Variants in METTL27 observed in about 807,000 individuals in gnomAD.
METTL27 encodes methyltransferase-like protein 27.
In METTL27, 29 loss-of-function variants were observed where a neutral mutation model predicts 24.5. The observed-to-expected ratio is 1.18, with a 90% CI of 0.88 to 1.61. The LOEUF is 1.61. METTL27 is among the 40% of genes most tolerant of loss of function. The pLI, the probability that METTL27 is intolerant of heterozygous loss-of-function variation, is 0.00. For missense variants in METTL27, 341 were observed against 324.3 expected (o/e 1.05, Z -0.40); for synonymous variants, 138 against 146.8 (o/e 0.94, Z 0.43).
At chr7:73,838,325 G>A (rs1788263348) in intron 5 of METTL27, among the ~76,000 whole-genome samples, 1 of 152,198 alleles carries the variant, frequency 6.6e-6, no homozygotes, top group African/African-American at 2.4e-5. Flanking sequence ...CAGTTTCCCA[G>A]CTGGCACAGA....
rs782444714 is a variant in METTL27 at position 73,840,483 on chromosome 7, G to C, written c.319C>G (p.Gln107Glu). The C allele has an allele frequency of 1.7e-5, 27 of 1,610,362 alleles. No homozygotes were observed. The Middle Eastern group carries it at 4.3e-3, about 258-fold the overall frequency. ...DGSPGMLEQAQAPGLYQRLSL... is the reference protein window; with the variant it reads ...DGSPGMLEQAEAPGLYQRLSL... ...AGGCGCTGATAGAGGCCGGGGGCCTGGGCCTGTTCCAGCATCCCTGGGCTC... is the reference window on the plus strand; with the variant it reads ...AGGCGCTGATAGAGGCCGGGGGCCTCGGCCTGTTCCAGCATCCCTGGGCTC... The change falls in exon 4 of 6, where the codon CAG (glutamine) becomes GAG (glutamate). Residue 107 changes from glutamine to glutamate, a missense_variant. Physicochemically the swap from Gln to Glu is conservative, Grantham distance 29. Transcript: ENST00000297873.
chr7:73,840,404 G>C lies in METTL27; in HGVS notation c.388+10C>G, dbSNP rs1788317611. On this transcript the variant is annotated intron_variant, in intron 4 of 5. Transcript: ENST00000297873. ...TGGGCCTCGGGGTGTGGAGGTGGGA[G>C]AGAAAGTACCTTCCGGGCTGGGCAG... 1.3e-6 allele frequency: 2 copies of C among 1,565,552 alleles called. No individual in the cohort carries two copies. The highest frequency in any genetic ancestry group is 2.4e-5 in the East Asian group (1 of 41,874).
At chr7:73,842,342 G>C in intron 1 of METTL27, 148 bp downstream of exon 1, 3 of 837,858 alleles carry the variant, frequency 3.6e-6, no homozygotes, top group South Asian at 2.3e-5. Context: ...CTGCAGGGCT[G>C]GGGGAAGGGC....
At position 73,842,084 on chromosome 7, in the gene METTL27, C is replaced by G; in HGVS notation, c.57G>C (p.Ala19=). The G allele has an allele frequency of 6.2e-7, 1 of 1,613,914 alleles. No individual in the cohort carries two copies. Among genetic ancestry groups the G allele is most frequent in the Non-Finnish European group, 8.5e-7 (1 of 1,179,962 alleles). Reference sequence around the variant, plus strand: ...TTTGGGCCAGGTCGGGGATGCCATGCGCGGCCCTGACCCGCGCCCGCACCT... The same window carrying G: ...TTTGGGCCAGGTCGGGGATGCCATGGGCGGCCCTGACCCGCGCCCGCACCT... ...LPEVRARVRA[A]HGIPDLAQKL... Residue 19 remains alanine, a synonymous_variant, in exon 2 of 6, where the codon GCG becomes GCC. Transcript: ENST00000297873.
chr7:73,839,733 G>A (rs1788297233), intron 5 of METTL27: 1 of 379,812 alleles, frequency 2.6e-6, no homozygotes. Flanking sequence ...GTCCTACGGG[G>A]ACTGGATTGT....
intron 5 of METTL27, 65 bp downstream of exon 5, chr7:73,839,966 C>A: frequency 6.9e-7 from 1 of 1,449,032 alleles, no homozygotes; most frequent in Admixed American, 2.0e-5. Context: ...CCTGTGTCTG[C>A]ACTATGCACA....
At chr7:73,839,914 G>A (rs1788300934) in intron 5 of METTL27, 117 bp downstream of exon 5, 1 of 932,608 alleles carries the variant, frequency 1.1e-6, no homozygotes, top group Non-Finnish European at 1.6e-6. Context: ...GTGTGACGCT[G>A]GGCAGGACGC....
At position 73,842,147 on chromosome 7, in the gene METTL27, G is replaced by GTGGGGA; in HGVS notation, c.-4-9_-4-4dup. 16 of 1,605,886 alleles carry GTGGGGA rather than the reference G, an allele frequency of 1.0e-5. No homozygotes were observed. The highest frequency in any genetic ancestry group is 1.4e-5 in the Non-Finnish European group (16 of 1,178,300). Reference sequence around the variant, plus strand: ...CACCCTCCTCCTGGGCCATGCTCCTGTGGGGACACCGTTGCCCTGTCTCGA... The same window carrying GTGGGGA: ...CACCCTCCTCCTGGGCCATGCTCCTGTGGGGATGGGGACACCGTTGCCCTGTCTCGA... On this transcript the variant is annotated splice_region_variant and splice_polypyrimidine_tract_variant and intron_variant, in intron 1 of 5. Transcript: ENST00000297873.
In METTL27 at chr7:73,842,465, G is replaced by A. The variant is rs902338309; in HGVS notation, c.-5+25C>T. 1.0e-4 allele frequency: 33 copies of A among 317,420 alleles called. No homozygotes were observed. In the East Asian group the frequency reaches 2.3e-3, roughly 22 times the overall value. 19.7% of individuals were successfully genotyped at this position (317,420 alleles called of 1,614,324 possible). ...GCGACATCCGGAGCGAAACGGTCTCGAAGGAGGCCGGAGTCAGAACTCACC... is the reference window on the plus strand; with the variant it reads ...GCGACATCCGGAGCGAAACGGTCTCAAAGGAGGCCGGAGTCAGAACTCACC... On this transcript the variant is annotated intron_variant, in intron 1 of 5. Coordinates refer to ENST00000297873, the MANE Select transcript of METTL27 (RefSeq NM_152559.3).
intron 5 of METTL27, 36 bp downstream of exon 5, chr7:73,839,995 C>G (rs200213254): frequency 6.4e-7 from 1 of 1,573,430 alleles, no homozygotes; most frequent in East Asian, 2.2e-5. Flanking sequence ...TATATGGTGA[C>G]GGGGGTTGGG....
Position 73,840,059 on chromosome 7 carries a change from C to T in METTL27, c.450G>A (p.Ala150=), listed in dbSNP as rs782336490. Residue 150 remains alanine, a synonymous_variant, in exon 5 of 6, where the codon GCG becomes GCA. Coordinates refer to ENST00000297873, the MANE Select transcript of METTL27 (RefSeq NM_152559.3). ...GCTTGGTGACATGTAGCTCAGGTAT[C>T]GCATTGCAGGGCACCTGGCCGTCAC... ...ALSDGQVPCN[A]IPELHVTKPG... 8 of 1,610,290 alleles carry T rather than the reference C, an allele frequency of 5.0e-6. No homozygotes were observed. The highest frequency in any genetic ancestry group is 6.8e-6 in the Non-Finnish European group (8 of 1,178,946).
intron 5 of METTL27, chr7:73,839,796 G>T (rs1344607401): frequency 6.3e-6 from 3 of 475,106 alleles, no homozygotes; most frequent in Admixed American, 3.8e-5. Context: ...GCAGAGGAGG[G>T]TGGAGTTGCT....
chr7:73,840,387 G>T (rs782241252), intron 4 of METTL27, 27 bp downstream of exon 4: 1 of 1,556,200 alleles, frequency 6.4e-7, no homozygotes, highest in Non-Finnish European at 8.7e-7. Context: ...GGTGGGCCTC[G>T]GGGTGTGGAG....
Position 73,834,728 on chromosome 7 carries a change from G to T in METTL27, c.*15C>A, listed in dbSNP as rs1276826166. On this transcript the variant is annotated 3_prime_UTR_variant, in exon 6 of 6. Transcript: ENST00000297873. ...ACATGGAGTCAGGGGCCAGCTGGGG[G>T]CTGGGGGCTGGATCTCACTTCCTCA... The T allele has an allele frequency of 2.5e-6, 4 of 1,608,638 alleles. No individual in the cohort carries two copies. The highest frequency in any genetic ancestry group is 2.5e-6 in the Non-Finnish European group (3 of 1,177,028).
chr7:73,842,264 C>A (rs1027340047), intron 1 of METTL27, 120 bp from the exon 2 acceptor site: 5 of 1,448,730 alleles, frequency 3.5e-6, no homozygotes, highest in Non-Finnish European at 3.6e-6. Context: ...CGACCCCTAT[C>A]CCGGCCCCTA....
At chr7:73,841,618 C>T (rs931501738) in intron 2 of METTL27, among the ~76,000 whole-genome samples, 2 of 151,990 alleles carry the variant, frequency 1.3e-5, no homozygotes, top group Non-Finnish European at 2.9e-5. Flanking sequence ...GATTACCAGG[C>T]GCCTGCCACC....
At chr7:73,839,618 A>G in intron 5 of METTL27, 1 of 171,172 alleles carries the variant, frequency 5.8e-6, no homozygotes, top group Non-Finnish European at 1.2e-5. Flanking sequence ...CAGTCTATGA[A>G]TGAGTGAGGA....
At chr7:73,842,445 A>T in intron 1 of METTL27, 45 bp downstream of exon 1, 1 of 353,846 alleles carries the variant, frequency 2.8e-6, no homozygotes, top group Non-Finnish European at 5.1e-6. Flanking sequence ...GGTGGGCGAC[A>T]TCCGGAGCGA....
chr7:73,842,474 C>G lies in METTL27; in HGVS notation c.-5+16G>C, dbSNP rs1788393098. On this transcript the variant is annotated intron_variant, in intron 1 of 5. Transcript: ENST00000297873. ...GGAGCGAAACGGTCTCGAAGGAGGC[C>G]GGAGTCAGAACTCACCGCCAATCCA... 1 of 294,702 alleles carries G rather than the reference C, an allele frequency of 3.4e-6. No homozygotes were observed. The highest frequency in any genetic ancestry group is 6.3e-6 in the Non-Finnish European group (1 of 159,266). 18.3% of individuals were successfully genotyped at this position (294,702 alleles called of 1,614,324 possible).
Sources: gnomAD v4.1 joint callset for allele counts (sites outside exome capture counted in the v4.1 genomes callset) on GRCh38, gnomAD v4.1.1 for gene constraint, MANE v1.5 for transcripts, NCBI Gene and HGNC (gene_info 2026-07-23, HGNC 2026-07-21) for gene names.